RABL6: variants seen among roughly 807,000 people sequenced by gnomAD.
RABL6 encodes rab-like protein 6.
RABL6 carries 28 observed loss-of-function variants against 72.9 expected under a neutral mutation model. The observed-to-expected ratio is 0.38, with a 90% CI of 0.28 to 0.53. RABL6 has a LOEUF of 0.53. Ranked by LOEUF, RABL6 falls within the 20% of genes least tolerant of loss-of-function variation. RABL6 has a pLI of 0.80. For missense variants in RABL6, 1,029 were observed against 1,008.4 expected, an observed-to-expected ratio of 1.02 and a Z score of -0.28; for synonymous variants, 477 against 421.2, an observed-to-expected ratio of 1.13 and a Z score of -1.62.
At chr9:136,823,806 A>T (rs752227062) in intron 2 of RABL6, 147 bp downstream of exon 2, 1 of 1,091,832 alleles carries the variant, frequency 9.2e-7, no homozygotes, top group Non-Finnish European at 1.3e-6. Context: ...CCCTGGCGTG[A>T]ACTCTGGGGC....
At chr9:136,835,870 G>T (rs1011047229) in intron 8 of RABL6, 25 bp downstream of exon 8, 2 of 1,544,994 alleles carry the variant, frequency 1.3e-6, no homozygotes, top group South Asian at 2.4e-5. Flanking sequence ...CCGCCCGTGC[G>T]GGCGGTGTGG....
chr9:136,810,409 CAG>C (rs1028793693), intron 1 of RABL6, among the ~76,000 whole-genome samples: 2 of 152,114 alleles, frequency 1.3e-5, no homozygotes, highest in East Asian at 1.9e-4. Context: ...GGTGGTGAGA[CAG>C]AGAGAAATTT....
chr9:136,818,393 AAAAAAAAAAAAC>A (rs1848168634), intron 1 of RABL6, among the ~76,000 whole-genome samples: 3 of 27,806 alleles, frequency 1.1e-4, no homozygotes, highest in Admixed American at 3.7e-4. Context: ...AAAAAAAAAA[AAAAAAAAAAAAC>A]CAAAGGTAAG....
chr9:136,834,613 G>C (rs1405142012), intron 7 of RABL6: 12 of 397,938 alleles, frequency 3.0e-5, no homozygotes, highest in Non-Finnish European at 4.1e-5. Context: ...CAAGTAGCTG[G>C]GATTACAGGC....
Position 136,840,455 on chromosome 9 carries a change from A to T in RABL6, c.2123A>T (p.Glu708Val). The T allele has an allele frequency of 1.3e-6, 2 of 1,541,662 alleles. No homozygotes were observed. Among genetic ancestry groups the T allele is most frequent in the Non-Finnish European group, 1.7e-6 (2 of 1,143,776 alleles). The part of the protein sequence containing the change: ...SRERTAADEL[E>V]AFLGGGAPGG... Reference sequence around the variant, plus strand: ...GAGAGGACGGCTGCCGATGAGCTGGAGGCTTTCCTGGGGGGCGGGGCCCCG... The same window carrying T: ...GAGAGGACGGCTGCCGATGAGCTGGTGGCTTTCCTGGGGGGCGGGGCCCCG... The change falls in exon 15 of 15, where the codon GAG becomes GTG. Residue 708 changes from glutamate to valine, a missense_variant. Physicochemically the swap from Glu to Val is moderately radical, Grantham distance 121. This residue lies in a region of RABL6 where 595 missense variants were observed against 472.4 expected (regional missense o/e 1.26). Coordinates refer to ENST00000311502, the MANE Select transcript of RABL6 (RefSeq NM_024718.5).
At chr9:136,824,636 T>C (rs1259350256) in intron 2 of RABL6, among the ~76,000 whole-genome samples, 1 of 151,862 alleles carries the variant, frequency 6.6e-6, no homozygotes, top group South Asian at 2.1e-4. Flanking sequence ...CCCAGGGCTG[T>C]TTTAAACACC....
At position 136,839,686 on chromosome 9, in the gene RABL6, T is replaced by C; in HGVS notation, c.1759-8T>C. On this transcript the variant is annotated splice_region_variant and splice_polypyrimidine_tract_variant and intron_variant, in intron 12 of 14. Transcript: ENST00000311502. ...TGATGGCCTGACCAGTTGCTCTCCC[T>C]GCTCCAGGATGACTTTCCCGTGCGA... 1 of 1,574,006 alleles carries C rather than the reference T, an allele frequency of 6.4e-7. No individual in the cohort carries two copies. The highest frequency in any genetic ancestry group is 1.2e-5 in the South Asian group (1 of 84,998).
chr9:136,829,341 C>A, intron 4 of RABL6, 52 bp from the exon 5 acceptor site: 1 of 1,414,080 alleles, frequency 7.1e-7, no homozygotes, highest in South Asian at 1.2e-5. Flanking sequence ...GTGGGCCACA[C>A]GGGTGGGGCC....
At chr9:136,821,542 C>G in intron 1 of RABL6, 1 of 985,340 alleles carries the variant, frequency 1.0e-6, no homozygotes, top group Non-Finnish European at 1.2e-6. Context: ...TCTGCGAGCC[C>G]GGGCTGCTGC....
Position 136,828,560 on chromosome 9 carries a change from A to G in RABL6, c.366+14A>G, listed in dbSNP as rs986712650. 1.9e-6 allele frequency: 3 copies of G among 1,612,916 alleles called. No individual in the cohort carries two copies. In the Admixed American group the frequency reaches 5.0e-5, roughly 27 times the overall value. On this transcript the variant is annotated intron_variant, in intron 4 of 14. Transcript: ENST00000311502. Reference sequence around the variant, plus strand: ...GACCCCCAGGAGGTGAGTGCCAGGTACACAGTGGGTAGCAGTGGCTCAGGG... The same window carrying G: ...GACCCCCAGGAGGTGAGTGCCAGGTGCACAGTGGGTAGCAGTGGCTCAGGG...
At chr9:136,815,268 G>A (rs996936317) in intron 1 of RABL6, 2 of 295,670 alleles carry the variant, frequency 6.8e-6, no homozygotes, top group African/African-American at 2.3e-5. Context: ...CTTGGCAGGT[G>A]TGGCGACTGC....
At chr9:136,823,747 G>A in intron 2 of RABL6, 88 bp downstream of exon 2, 1 of 1,444,640 alleles carries the variant, frequency 6.9e-7, no homozygotes, top group Non-Finnish European at 9.2e-7. Context: ...CCCCAGAGGG[G>A]GTCTCCCCGA....
chr9:136,841,032 C>T lies in RABL6; in HGVS notation c.*510C>T, dbSNP rs570494000. ...CCCCACGCTAGAAGGCTGGCGAGAC[C>T]GAAGGCAGCATGTGAGGCCTCTCCT... On this transcript the variant is annotated 3_prime_UTR_variant, in exon 15 of 15. Transcript: ENST00000311502. 1,330 of 1,428,468 alleles carry T rather than the reference C, an allele frequency of 9.3e-4. 1 individual carries two copies. Among genetic ancestry groups the T allele is most frequent in the Non-Finnish European group, 1.1e-3 (1,189 of 1,089,566 alleles). The allele number at this position is 1,428,468 out of a possible 1,614,324, so 88.5% of individuals were successfully genotyped here.
Position 136,837,505 on chromosome 9 carries a change from G to A in RABL6, c.969G>A (p.Leu323=). The A allele has an allele frequency of 6.5e-7, 1 of 1,536,460 alleles. No individual in the cohort carries two copies. Among genetic ancestry groups the A allele is most frequent in the South Asian group, 1.2e-5 (1 of 83,788 alleles). Residue 323 remains leucine, a synonymous_variant, in exon 9 of 15, where the codon CTG becomes CTA. Coordinates refer to ENST00000311502, the MANE Select transcript of RABL6 (RefSeq NM_024718.5). ...SPGTPQPAPQ[L]PLNAAPPSSV... is the part of the protein sequence containing the mutation. Reference sequence around the variant, plus strand: ...GCACACCCCAGCCCGCCCCACAGCTGCCCCTCAATGCCGCCCCACCATCCT... The same window carrying A: ...GCACACCCCAGCCCGCCCCACAGCTACCCCTCAATGCCGCCCCACCATCCT...
chr9:136,822,805 G>A (rs1409058681), intron 1 of RABL6, among the ~76,000 whole-genome samples: 1 of 152,202 alleles, frequency 6.6e-6, no homozygotes, highest in Admixed American at 6.5e-5. Flanking sequence ...CACTGAAGAC[G>A]CCAGGGCTCG....
At chr9:136,813,182 G>A (rs1236563765) in intron 1 of RABL6, 3 of 490,842 alleles carry the variant, frequency 6.1e-6, no homozygotes, top group Non-Finnish European at 1.1e-5. Context: ...GGCATCAGGT[G>A]GTCCTTGCAA....
intron 13 of RABL6, 95 bp from the exon 14 acceptor site, chr9:136,840,059 G>A (rs1370424753): frequency 3.2e-6 from 5 of 1,567,208 alleles, no homozygotes; most frequent in Non-Finnish European, 4.4e-6. Flanking sequence ...GAGGGCTGGG[G>A]CTCGCTGCTT....
rs1848494033 is a variant in RABL6 at position 136,832,303 on chromosome 9, C to G, written c.638C>G (p.Ser213Cys). ...TCCTACTTCCGCTATGCTGAGTCTT[C>G]CATGAAGAACAGCTTCGGCCTAAAG... ...GSSYFRYAESSMKNSFGLKYL... is the reference protein window; with the variant it reads ...GSSYFRYAESCMKNSFGLKYL... The change falls in exon 7 of 15, where the codon TCC becomes TGC. Residue 213 changes from serine to cysteine, a missense_variant. Around this residue, in one of 2 missense-constraint regions of RABL6, gnomAD observed 434 missense variants for 536.1 expected, o/e 0.81. Transcript: ENST00000311502. 3 of 1,613,782 alleles carry G rather than the reference C, an allele frequency of 1.9e-6. No individual in the cohort carries two copies. The highest frequency in any genetic ancestry group is 1.7e-6 in the Non-Finnish European group (2 of 1,179,856).
At position 136,808,343 on chromosome 9, in the gene RABL6, G is replaced by A; in HGVS notation, c.130+17G>A. On this transcript the variant is annotated intron_variant, in intron 1 of 14. Coordinates refer to ENST00000311502, the MANE Select transcript of RABL6 (RefSeq NM_024718.5). ...AGTACAACAGTGAGTGCGGCGGGCC[G>A]GGGGGGCGCGGGAGCGCCGCGCGGG... 1.3e-6 allele frequency: 2 copies of A among 1,486,892 alleles called. No homozygotes were observed. Among genetic ancestry groups the A allele is most frequent in the South Asian group, 1.3e-5 (1 of 75,260 alleles). The allele number at this position is 1,486,892 out of a possible 1,614,324, so 92.1% of individuals were successfully genotyped here. A position where few individuals can be genotyped will look rare whatever the true frequency, so the allele number is the denominator to read the frequency against.
Sources: allele counts gnomAD v4.1 joint callset (sites outside exome capture counted in the v4.1 genomes callset), GRCh38; gene constraint gnomAD v4.1.1; regional missense constraint gnomAD v4.1.1; transcripts MANE v1.5; gene names NCBI Gene and HGNC (gene_info 2026-07-23, HGNC 2026-07-21).